Variants in GRM7 observed in about 807,000 individuals in gnomAD.
GRM7 encodes the protein glutamate metabotropic receptor 7.
GRM7 carries 35 observed loss-of-function variants against 84.5 expected under a neutral mutation model. The ratio of observed to expected loss-of-function variants is 0.41; its 90% CI spans 0.32 to 0.55. The LOEUF is 0.55. Among genes scored for constraint, GRM7 ranks in the 20% least tolerant of loss-of-function variants. The pLI is 0.19. For synonymous variants in GRM7, 487 were observed against 455.1 expected (o/e 1.07, Z -0.89); for missense variants, 1,003 against 1,194.6 (o/e 0.84, Z 2.36).
At chr3:7,171,276 G>T (rs1694974464) in intron 2 of GRM7, among the ~76,000 whole-genome samples, 1 of 152,008 alleles carries the variant, frequency 6.6e-6, no homozygotes, top group Non-Finnish European at 1.5e-5. Flanking sequence ...GCTTGTCTGT[G>T]TTTGTGTCCA....
At chr3:6,900,726 T>A (rs150811364) in intron 1 of GRM7, among the ~76,000 whole-genome samples, 2 of 152,196 alleles carry the variant, frequency 1.3e-5, no homozygotes, top group African/African-American at 4.8e-5. Flanking sequence ...TATATTTGAA[T>A]GTCATTTCAA....
At chr3:7,713,807 T>C (rs1701679964) in intron 9 of GRM7, among the ~76,000 whole-genome samples, 1 of 146,758 alleles carries the variant, frequency 6.8e-6, no homozygotes, top group Non-Finnish European at 1.5e-5. Flanking sequence ...TTTTTTTTTT[T>C]TTTTTTTTTT....
intron 2 of GRM7, among the ~76,000 whole-genome samples, chr3:7,269,726 C>T (rs1050267195): frequency 4.6e-5 from 7 of 152,306 alleles, no homozygotes; most frequent in South Asian, 2.1e-4. Context: ...GAAGACAGGA[C>T]TATGAGCAAA....
chr3:7,711,141 T>C (rs1701563233), intron 9 of GRM7, among the ~76,000 whole-genome samples: 1 of 152,144 alleles, frequency 6.6e-6, no homozygotes, highest in Admixed American at 6.5e-5. Flanking sequence ...ACTTATGTTT[T>C]AATGAAAAAG....
At chr3:7,503,611 T>G (rs1196200911) in intron 7 of GRM7, among the ~76,000 whole-genome samples, 2 of 152,186 alleles carry the variant, frequency 1.3e-5, no homozygotes, top group Admixed American at 1.3e-4. Context: ...ACTCTGTACA[T>G]GCACTGTCTG....
At chr3:7,701,978 A>G (rs1318645609) in intron 9 of GRM7, among the ~76,000 whole-genome samples, 2 of 152,154 alleles carry the variant, frequency 1.3e-5, no homozygotes, top group South Asian at 2.1e-4. Context: ...CAATGCATGC[A>G]TTTTCAGCTA....
chr3:6,899,494 G>A (rs1394560978), intron 1 of GRM7, among the ~76,000 whole-genome samples: 1 of 152,152 alleles, frequency 6.6e-6, no homozygotes, highest in Non-Finnish European at 1.5e-5. Context: ...AAAGTGCTAA[G>A]TTCTCTAGAG....
rs78933405 is a variant in GRM7 at position 7,361,717 on chromosome 3, C to A, written c.1034-53306C>A. Among the ~76,000 whole-genome samples the A allele has an allele frequency of 6.1e-3, 932 of 152,148 alleles. 6 individuals carry two copies. Among genetic ancestry groups the A allele is most frequent in the African/African-American group, 0.021 (880 of 41,532 alleles). ...TGAATTATATAGAAAATATATGGCT[C>A]ACAGAAGTGAGAGAAAAACTCCACA... On this transcript the variant is annotated intron_variant, in intron 4 of 9. Coordinates refer to ENST00000357716, the MANE Select transcript of GRM7 (RefSeq NM_000844.4).
At chr3:7,253,874 A>C (rs571823935) in intron 2 of GRM7, among the ~76,000 whole-genome samples, 1 of 152,124 alleles carries the variant, frequency 6.6e-6, no homozygotes, top group Non-Finnish European at 1.5e-5. Flanking sequence ...TTCAGAGTCA[A>C]TTGATGAGAT....
In GRM7 at chr3:7,440,075, T is replaced by C. The variant is rs537248807; in HGVS notation, c.1175-12532T>C. Among the ~76,000 whole-genome samples the C allele has an allele frequency of 5.9e-5, 9 of 152,278 alleles. No individual in the cohort carries two copies. In the South Asian group the frequency reaches 1.9e-3, roughly 32 times the overall value. On this transcript the variant is annotated intron_variant, in intron 5 of 9. Transcript: ENST00000357716. ...CTGGAGGGAGCTGGTTGTTAAACAA[T>C]AGAGAATTGGCACACAGGGATGAGA...
intron 1 of GRM7, among the ~76,000 whole-genome samples, chr3:7,084,862 A>T (rs969976776): frequency 7.2e-5 from 11 of 152,170 alleles, no homozygotes; most frequent in Non-Finnish European, 1.6e-4. Context: ...CTCAAGAAGA[A>T]AAGTGAATTG....
At chr3:7,348,382 T>C (rs1559255774) in intron 4 of GRM7, among the ~76,000 whole-genome samples, 1 of 152,172 alleles carries the variant, frequency 6.6e-6, no homozygotes, top group Non-Finnish European at 1.5e-5. Context: ...TCTACTGATA[T>C]CCTGCTTATA....
At chr3:7,273,286 T>C (rs1284842522) in intron 2 of GRM7, among the ~76,000 whole-genome samples, 1 of 152,132 alleles carries the variant, frequency 6.6e-6, no homozygotes, top group African/African-American at 2.4e-5. Context: ...TGATCTATTT[T>C]AGTTGAAGTC....
chr3:7,399,756 C>T (rs1695369001), intron 4 of GRM7, among the ~76,000 whole-genome samples: 1 of 152,098 alleles, frequency 6.6e-6, no homozygotes, highest in Non-Finnish European at 1.5e-5. Context: ...GGCATCTTTC[C>T]ACTCCTCCTC....
chr3:7,635,786 G>A (rs1041060408), intron 8 of GRM7, among the ~76,000 whole-genome samples: 1 of 152,112 alleles, frequency 6.6e-6, no homozygotes, highest in African/African-American at 2.4e-5. Context: ...CGATCTTCCT[G>A]CCTCACCTTC....
intron 6 of GRM7, among the ~76,000 whole-genome samples, chr3:7,454,273 A>G (rs1375773657): frequency 6.6e-6 from 1 of 152,174 alleles, no homozygotes; most frequent in Non-Finnish European, 1.5e-5. Flanking sequence ...GTGGGTAGAG[A>G]TAAGTGAAAA....
intron 7 of GRM7, among the ~76,000 whole-genome samples, chr3:7,574,487 T>C (rs1694862030): frequency 6.6e-6 from 1 of 152,228 alleles, no homozygotes; most frequent in Non-Finnish European, 1.5e-5. Flanking sequence ...GAAAAATGGC[T>C]ACTATAGCTC....
intron 1 of GRM7, among the ~76,000 whole-genome samples, chr3:6,945,096 T>G (rs1001233689): frequency 8.5e-5 from 13 of 152,222 alleles, no homozygotes; most frequent in Admixed American, 8.5e-4. Context: ...AGTTTTAGGG[T>G]ACATGTGCAC....
At chr3:7,421,610 A>C (rs897635137) in intron 5 of GRM7, among the ~76,000 whole-genome samples, 3 of 151,808 alleles carry the variant, frequency 2.0e-5, no homozygotes. Context: ...ATGATTTTTC[A>C]CTAGCCATGA....
Sources: gnomAD v4.1 joint callset for allele counts (sites outside exome capture counted in the v4.1 genomes callset) on GRCh38, gnomAD v4.1.1 for gene constraint, MANE v1.5 for transcripts, NCBI Gene and HGNC (gene_info 2026-07-23, HGNC 2026-07-21) for gene names.